Variants in KCNIP3 observed in about 807,000 individuals in gnomAD.
The protein encoded by KCNIP3 is potassium voltage-gated channel interacting protein 3.
In KCNIP3, 28 loss-of-function variants were observed where a neutral mutation model predicts 35.0. That is an observed-to-expected ratio of 0.80 (90% CI 0.59 to 1.10). The LOEUF (loss-of-function observed/expected upper bound fraction) is 1.10, where lower values mean the gene tolerates loss of function less well. Among genes scored for constraint, KCNIP3 ranks in the 50% least tolerant of loss-of-function variants. KCNIP3 has a pLI of 0.00. For synonymous variants in KCNIP3, 134 were observed against 133.8 expected (o/e 1.00, Z -0.01); for missense variants, 295 against 338.4 (o/e 0.87, Z 1.01).
chr2:95,346,206 G>A (rs1679353133), intron 2 of KCNIP3, among the ~76,000 whole-genome samples: 1 of 152,128 alleles, frequency 6.6e-6, no homozygotes, highest in East Asian at 1.9e-4. Flanking sequence ...GCCGGGGAGT[G>A]AGGGCTTCCC....
At chr2:95,300,583 AGGGCACAGC>A in intron 1 of KCNIP3, among the ~76,000 whole-genome samples, 1 of 24,294 alleles carries the variant, frequency 4.1e-5, no homozygotes, top group East Asian at 6.7e-4. Context: ...GAGTCGGGGG[AGGGCACAGC>A]ATGGGGCGAG....
chr2:95,336,615 G>T (rs1331973769), intron 2 of KCNIP3, among the ~76,000 whole-genome samples: 1 of 152,068 alleles, frequency 6.6e-6, no homozygotes, highest in Non-Finnish European at 1.5e-5. Context: ...GCTGGAAATT[G>T]TGAGTGATAT....
chr2:95,371,897 T>A (rs897879118), intron 2 of KCNIP3, among the ~76,000 whole-genome samples: 4 of 151,370 alleles, frequency 2.6e-5, no homozygotes, highest in African/African-American at 9.7e-5. Context: ...CTTCGCCTCC[T>A]GGATTGAAGC....
chr2:95,324,054 C>G (rs1678661411), intron 2 of KCNIP3, among the ~76,000 whole-genome samples: 2 of 152,234 alleles, frequency 1.3e-5, no homozygotes, highest in South Asian at 4.1e-4. Context: ...CCCACCCACG[C>G]AGATAGACCG....
chr2:95,343,480 G>A (rs1182416647), intron 2 of KCNIP3, among the ~76,000 whole-genome samples: 7 of 152,178 alleles, frequency 4.6e-5, no homozygotes, highest in African/African-American at 1.7e-4. Flanking sequence ...GACTGGACCA[G>A]TGTGCTGAGC....
At chr2:95,305,553 TA>T (rs1044538429) in intron 1 of KCNIP3, among the ~76,000 whole-genome samples, 1 of 152,078 alleles carries the variant, frequency 6.6e-6, no homozygotes, top group African/African-American at 2.4e-5. Context: ...TTATCACGTG[TA>T]GGTTCAGGCA....
At chr2:95,371,852 T>C (rs1680048777) in intron 2 of KCNIP3, among the ~76,000 whole-genome samples, 1 of 150,954 alleles carries the variant, frequency 6.6e-6, no homozygotes, top group Admixed American at 6.6e-5. Context: ...TCACCCAGGC[T>C]GGAGTGTAAT....
intron 2 of KCNIP3, among the ~76,000 whole-genome samples, chr2:95,314,621 T>C (rs1170677551): frequency 1.3e-5 from 2 of 152,222 alleles, no homozygotes; most frequent in African/African-American, 4.8e-5. Flanking sequence ...CCCTCGATAA[T>C]AGGGTCATTC....
chr2:95,340,723 A>G (rs1406594395), intron 2 of KCNIP3, among the ~76,000 whole-genome samples: 1 of 152,176 alleles, frequency 6.6e-6, no homozygotes, highest in East Asian at 1.9e-4. Flanking sequence ...TCAGAATGTG[A>G]TATCTGGAAT....
intron 2 of KCNIP3, among the ~76,000 whole-genome samples, chr2:95,338,710 G>A (rs556787088): frequency 9.2e-5 from 14 of 152,190 alleles, no homozygotes; most frequent in Non-Finnish European, 1.6e-4. Flanking sequence ...CTACTCGAGC[G>A]GAAGAAGGAG....
At chr2:95,363,750 C>G (rs1379727352) in intron 2 of KCNIP3, among the ~76,000 whole-genome samples, 1 of 152,060 alleles carries the variant, frequency 6.6e-6, no homozygotes, top group African/African-American at 2.4e-5. Context: ...ATGTAGAGGT[C>G]CTTTGAGTTT....
At chr2:95,301,251 G>A (rs115630621) in intron 1 of KCNIP3, among the ~76,000 whole-genome samples, 46 of 152,348 alleles carry the variant, frequency 3.0e-4, no homozygotes, top group Non-Finnish European at 5.6e-4. Context: ...TGGGAGGCAC[G>A]GGCCTGGCTG....
chr2:95,331,479 ATACAT>A (rs1488294263), intron 2 of KCNIP3, among the ~76,000 whole-genome samples: 1 of 151,928 alleles, frequency 6.6e-6, no homozygotes, highest in African/African-American at 2.4e-5. Context: ...AAGTGGAGGG[ATACAT>A]TTGGGGGTCA....
intron 2 of KCNIP3, among the ~76,000 whole-genome samples, chr2:95,317,857 C>T (rs1013581200): frequency 2.0e-5 from 3 of 152,152 alleles, no homozygotes; most frequent in Non-Finnish European, 2.9e-5. Flanking sequence ...TGGCAGGGTG[C>T]GGCCCTGGCC....
At chr2:95,354,733 T>C (rs191520966) in intron 2 of KCNIP3, among the ~76,000 whole-genome samples, 10 of 152,330 alleles carry the variant, frequency 6.6e-5, no homozygotes, top group Admixed American at 3.9e-4. Flanking sequence ...TGCAGCTACC[T>C]CTTGGCTTGG....
chr2:95,326,100 CAT>C (rs774147259), intron 2 of KCNIP3, among the ~76,000 whole-genome samples: 2 of 9,316 alleles, frequency 2.1e-4, no homozygotes, highest in South Asian at 1.8e-3. Context: ...CACATACACA[CAT>C]ATACACATAC....
At chr2:95,340,674 C>T (rs781207282) in intron 2 of KCNIP3, among the ~76,000 whole-genome samples, 4 of 152,146 alleles carry the variant, frequency 2.6e-5, no homozygotes, top group African/African-American at 4.8e-5. Flanking sequence ...TAAGAGATGC[C>T]GGAAGAGACG....
At chr2:95,353,083 T>TG (rs1017051181) in intron 2 of KCNIP3, among the ~76,000 whole-genome samples, 3 of 152,100 alleles carry the variant, frequency 2.0e-5, no homozygotes, top group East Asian at 1.9e-4. Flanking sequence ...TGTGTTGGGG[T>TG]GGGGGGCTGT....
rs1030562138 is a variant in KCNIP3, at chr2:95,353,905, T to G, written c.182-20391T>G. Among the ~76,000 whole-genome samples the G allele has an allele frequency of 1.1e-4, 17 of 152,172 alleles. 3 individuals carry two copies. Among genetic ancestry groups the G allele is most frequent in the Admixed American group, 1.0e-3 (16 of 15,282 alleles). On this transcript the variant is annotated intron_variant, in intron 2 of 8. Coordinates refer to ENST00000295225, the MANE Select transcript of KCNIP3 (RefSeq NM_013434.5). Reference sequence around the variant, plus strand: ...TTGGTTGTCACAGTTGGGGAGGTGCTACTGGCATCTGGGGGTTACAGGCCA... The same window carrying G: ...TTGGTTGTCACAGTTGGGGAGGTGCGACTGGCATCTGGGGGTTACAGGCCA...
Sources: gnomAD v4.1 joint callset for allele counts (sites outside exome capture counted in the v4.1 genomes callset) on GRCh38, gnomAD v4.1.1 for gene constraint, MANE v1.5 for transcripts, NCBI Gene and HGNC (gene_info 2026-07-23, HGNC 2026-07-21) for gene names.